HOOK3: variants seen among roughly 807,000 people sequenced by gnomAD.
HOOK3 encodes the protein hook microtubule tethering protein 3.
Under a neutral mutation model 116.3 loss-of-function variants are expected in HOOK3, and 24 were observed. That is an observed-to-expected ratio of 0.21 (90% confidence interval 0.15 to 0.29). The LOEUF is 0.29. Among genes scored for constraint, HOOK3 ranks in the 10% least tolerant of loss-of-function variants. The pLI is 1.00. For synonymous variants in HOOK3, 275 were observed against 283.0 expected (o/e 0.97, Z 0.28); for missense variants, 632 against 830.2 (o/e 0.76, Z 2.93).
chr8:42,907,414 A>G (rs929310390), intron 2 of HOOK3, among the ~76,000 whole-genome samples: 4 of 152,164 alleles, frequency 2.6e-5, no homozygotes, highest in African/African-American at 9.7e-5. Context: ...ACATTTTTCC[A>G]GATATATAGG....
At chr8:42,921,119 CCTT>C (rs1807647757) in intron 2 of HOOK3, among the ~76,000 whole-genome samples, 1 of 151,524 alleles carries the variant, frequency 6.6e-6, no homozygotes, top group Admixed American at 6.6e-5. Context: ...TATTTTATAA[CCTT>C]GGAGATCTTG....
At chr8:42,946,626 A>G (rs529278616) in intron 5 of HOOK3, among the ~76,000 whole-genome samples, 2 of 151,998 alleles carry the variant, frequency 1.3e-5, no homozygotes, top group South Asian at 2.1e-4. Flanking sequence ...TTGGTGTTCC[A>G]TGGTAAGTTT....
At chr8:42,898,071 A>G (rs1807081128) in intron 1 of HOOK3, among the ~76,000 whole-genome samples, 1 of 152,266 alleles carries the variant, frequency 6.6e-6, no homozygotes, top group Non-Finnish European at 1.5e-5. Flanking sequence ...TTACTTTTAA[A>G]GGTAAAACAC....
Position 43,027,806 on chromosome 8 carries a change from T to C in HOOK3, c.*9308T>C, listed in dbSNP as rs898908278. On this transcript the variant is annotated 3_prime_UTR_variant, in exon 22 of 22. Coordinates refer to ENST00000307602, the MANE Select transcript of HOOK3 (RefSeq NM_032410.4). ...ATAGTTTCTCAGTGGCCTAGCCACA[T>C]TTCAAGTGTTCCACAGTCACATGTG... The C allele has an allele frequency of 9.7e-6, 2 of 206,464 alleles. No individual in the cohort carries two copies. The highest frequency in any genetic ancestry group is 7.6e-5 in the East Asian group (1 of 13,218). The allele number at this position is 206,464 out of a possible 1,614,324, so 12.8% of individuals were successfully genotyped here. A position where few individuals can be genotyped will look rare whatever the true frequency, so the allele number is the denominator to read the frequency against.
intron 1 of HOOK3, 65 bp from the exon 2 acceptor site, chr8:42,906,108 C>T (rs556210448): frequency 1.2e-6 from 1 of 825,754 alleles, no homozygotes; most frequent in East Asian, 3.7e-5. Context: ...AAAAAAAAGG[C>T]CTAAGAAATT....
intron 8 of HOOK3, among the ~76,000 whole-genome samples, chr8:42,960,899 A>G (rs1296654373): frequency 6.6e-6 from 1 of 152,230 alleles, no homozygotes; most frequent in African/African-American, 2.4e-5. Flanking sequence ...CCAAGGCTGC[A>G]TAATTTATAA....
At position 42,930,159 on chromosome 8, in the gene HOOK3, A is replaced by G; in HGVS notation, c.254A>G (p.Asp85Gly). ...NLKKILKGILDYNHEILGQQI... is the reference protein window; with the variant it reads ...NLKKILKGILGYNHEILGQQI... ...AAGAAAATTTTAAAAGGAATCTTGG[A>G]TTATAATCATGAGGTAAAGACTTTT... Residue 85 changes from aspartate to glycine, a missense_variant, in exon 4 of 22, where the codon GAT (aspartate) becomes GGT (glycine). Around this residue, in one of 3 missense-constraint regions of HOOK3, gnomAD observed 141 missense variants for 150.8 expected, o/e 0.93. Transcript: ENST00000307602. 1 of 1,550,250 alleles carries G rather than the reference A, an allele frequency of 6.5e-7. No individual in the cohort carries two copies. Among genetic ancestry groups the G allele is most frequent in the East Asian group, 2.3e-5 (1 of 43,300 alleles).
chr8:42,905,399 T>A lies in HOOK3; in HGVS notation c.58-774T>A, dbSNP rs569004557. ...CTCTCTGCCTTTCACTGCATTGGCC[T>A]AATCTTAAGATGATTGCCTTTGTAG... On this transcript the variant is annotated intron_variant, in intron 1 of 21. Coordinates refer to ENST00000307602, the MANE Select transcript of HOOK3 (RefSeq NM_032410.4). 5.3e-5 allele frequency among the ~76,000 whole-genome samples: 8 copies of A among 150,218 alleles called. No homozygotes were observed. The South Asian group carries it at 1.7e-3, about 32-fold the overall frequency.
At chr8:42,997,720 G>A (rs1263352046) in intron 16 of HOOK3, 83 bp downstream of exon 16, 2 of 816,004 alleles carry the variant, frequency 2.5e-6, no homozygotes, top group Non-Finnish European at 4.2e-6. Context: ...GATGTTTTTT[G>A]TCAAAATAAT....
chr8:42,985,143 C>G (rs1444593169), intron 14 of HOOK3, among the ~76,000 whole-genome samples: 2 of 152,116 alleles, frequency 1.3e-5, no homozygotes, highest in African/African-American at 4.8e-5. Flanking sequence ...GTGGTACAAC[C>G]TTTCTTTTGG....
chr8:42,924,931 C>G (rs1807732897), intron 2 of HOOK3, among the ~76,000 whole-genome samples: 1 of 151,840 alleles, frequency 6.6e-6, no homozygotes, highest in African/African-American at 2.4e-5. Context: ...CGAGATCACA[C>G]CATTGCACTC....
intron 15 of HOOK3, among the ~76,000 whole-genome samples, chr8:42,997,092 G>C (rs558147571): frequency 2.6e-5 from 4 of 152,044 alleles, no homozygotes. Flanking sequence ...ATTTTTGGTA[G>C]AGATGGAGTT....
rs945315650 is a variant in HOOK3, at chr8:42,991,775, A to C, written c.1532+4980A>C. Among the ~76,000 whole-genome samples the C allele has an allele frequency of 2.0e-5, 3 of 151,484 alleles. 1 individual carries two copies. Among genetic ancestry groups the C allele is most frequent in the Middle Eastern group, 6.3e-3 (2 of 316 alleles). ...TGTTTTTTTTTTCCTTTTAGTGGAG[A>C]ACTGGGTCTCACTAAATTGCCCAGG... On this transcript the variant is annotated intron_variant, in intron 15 of 21. Coordinates refer to ENST00000307602, the MANE Select transcript of HOOK3 (RefSeq NM_032410.4).
intron 8 of HOOK3, among the ~76,000 whole-genome samples, chr8:42,961,586 G>T (rs1808535124): frequency 6.6e-6 from 1 of 152,142 alleles, no homozygotes; most frequent in Admixed American, 6.5e-5. Context: ...CATGTCAGAG[G>T]AGAGAGTCAC....
rs764459203 is a variant in HOOK3 at position 42,986,643 on chromosome 8, T to A, written c.1392-12T>A. Reference sequence around the variant, plus strand: ...GTGTATATAATATTTAGTTTTTATTTTGTTCATTCAGGGAGAAACTTATTC... The same window carrying A: ...GTGTATATAATATTTAGTTTTTATTATGTTCATTCAGGGAGAAACTTATTC... On this transcript the variant is annotated splice_polypyrimidine_tract_variant and intron_variant, in intron 14 of 21. Coordinates refer to ENST00000307602, the MANE Select transcript of HOOK3 (RefSeq NM_032410.4). 7 of 1,601,868 alleles carry A rather than the reference T, an allele frequency of 4.4e-6. No homozygotes were observed. The highest frequency in any genetic ancestry group is 1.7e-5 in the Admixed American group (1 of 57,698).
At chr8:42,996,248 T>C (rs927911811) in intron 15 of HOOK3, among the ~76,000 whole-genome samples, 14 of 151,614 alleles carry the variant, frequency 9.2e-5, no homozygotes, top group African/African-American at 3.4e-4. Context: ...TAGCCAGGCA[T>C]GGTGGTGCGC....
chr8:42,964,189 A>G, intron 8 of HOOK3, 122 bp from the exon 9 acceptor site: 1 of 937,670 alleles, frequency 1.1e-6, no homozygotes, highest in South Asian at 1.7e-5. Context: ...CCTGGGCGAC[A>G]GTGAGACTCC....
At chr8:42,963,882 T>C (rs1808580851) in intron 8 of HOOK3, among the ~76,000 whole-genome samples, 1 of 152,218 alleles carries the variant, frequency 6.6e-6, no homozygotes, top group Non-Finnish European at 1.5e-5. Context: ...ATGTAAATGT[T>C]TTAAGTAGAG....
intron 4 of HOOK3, among the ~76,000 whole-genome samples, chr8:42,940,353 G>A (rs372416857): frequency 3.3e-5 from 5 of 152,352 alleles, no homozygotes; most frequent in East Asian, 1.9e-4. Flanking sequence ...GTGGCGGCGC[G>A]CGCCCGCAAT....
Sources: gnomAD v4.1 joint callset for allele counts (sites outside exome capture counted in the v4.1 genomes callset) on GRCh38, gnomAD v4.1.1 for gene constraint, gnomAD v4.1.1 regional missense constraint, MANE v1.5 for transcripts, NCBI Gene and HGNC (gene_info 2026-07-23, HGNC 2026-07-21) for gene names.